The following TMEM63C variants were observed in gnomAD, a reference collection of about 807,000 sequenced individuals.
The protein encoded by TMEM63C is osmosensitive cation channel TMEM63C.
TMEM63C carries 32 observed loss-of-function variants against 99.2 expected under a neutral mutation model. The ratio of observed to expected loss-of-function variants is 0.32; its 90% confidence interval spans 0.24 to 0.43. The LOEUF is 0.43. Among genes scored for constraint, TMEM63C ranks in the 20% least tolerant of loss-of-function variants. The pLI is 1.00. For missense variants in TMEM63C, 826 were observed against 1,053.0 expected (o/e 0.78, Z 2.98); for synonymous variants, 376 against 397.9 (o/e 0.94, Z 0.66).
chr14:77,184,744 GTGGTGTAAATGGAACTC>G (rs1346292331), intron 1 of TMEM63C, among the ~76,000 whole-genome samples: 1 of 152,156 alleles, frequency 6.6e-6, no homozygotes, highest in Admixed American at 6.5e-5. Context: ...ATCAGCATGG[GTGGTGTAAATGGAACTC>G]CACATTCTTG....
At chr14:77,221,975 TC>T (rs1412264271) in intron 5 of TMEM63C, among the ~76,000 whole-genome samples, 3 of 151,312 alleles carry the variant, frequency 2.0e-5, no homozygotes, top group African/African-American at 7.3e-5. Context: ...ACACCGGGAG[TC>T]CCCCCAACCA....
intron 13 of TMEM63C, 50 bp from the exon 14 acceptor site, chr14:77,242,297 A>G: frequency 2.7e-6 from 4 of 1,473,766 alleles, no homozygotes; most frequent in Non-Finnish European, 3.7e-6. Context: ...TCCTAAGCCC[A>G]TCCCCCCACC....
chr14:77,233,905 A>G (rs560130356), intron 8 of TMEM63C, among the ~76,000 whole-genome samples: 1 of 152,286 alleles, frequency 6.6e-6, no homozygotes, highest in East Asian at 1.9e-4. Context: ...TCCCCCTCAG[A>G]GTCCCACAGC....
At chr14:77,198,189 A>T (rs1020209872) in intron 1 of TMEM63C, among the ~76,000 whole-genome samples, 3 of 152,252 alleles carry the variant, frequency 2.0e-5, no homozygotes, top group Non-Finnish European at 2.9e-5. Context: ...GTCCTCATTC[A>T]TCATGGGGCT....
Position 77,192,892 on chromosome 14 carries a change from G to T in TMEM63C, c.-77+10998G>T, listed in dbSNP as rs182547324. Among the ~76,000 whole-genome samples, 633 of 152,152 alleles carry T rather than the reference G, an allele frequency of 4.2e-3. 7 individuals carry two copies. The highest frequency in any genetic ancestry group is 6.5e-3 in the Non-Finnish European group (442 of 67,998). ...ACAACAACAACAGGAGGAAGGAGAA[G>T]AAGAAAAGGAGGAAGAAACCTTTAA... On this transcript the variant is annotated intron_variant, in intron 1 of 23. Coordinates refer to ENST00000298351, the MANE Select transcript of TMEM63C (RefSeq NM_020431.4).
rs1434205104 is a variant in TMEM63C, at chr14:77,246,031, C to T, written c.1535+5C>T. The T allele has an allele frequency of 6.2e-7, 1 of 1,607,548 alleles. No homozygotes were observed. Among genetic ancestry groups the T allele is most frequent in the Non-Finnish European group, 8.5e-7 (1 of 1,174,146 alleles). On this transcript the variant is annotated splice_donor_5th_base_variant and intron_variant, in intron 17 of 23. Coordinates refer to ENST00000298351, the MANE Select transcript of TMEM63C (RefSeq NM_020431.4). ...GCCCTCTATGGGACTGACCAGGTAC[C>T]TCACTTCCAATTATCCCTTCCTTCT... is the stretch of plus-strand genomic sequence containing the variant.
chr14:77,203,470 T>C (rs1888338394), intron 1 of TMEM63C, among the ~76,000 whole-genome samples: 1 of 151,758 alleles, frequency 6.6e-6, no homozygotes, highest in Non-Finnish European at 1.5e-5. Context: ...AGACAAGCAC[T>C]GGCAACAGTT....
intron 1 of TMEM63C, among the ~76,000 whole-genome samples, chr14:77,206,593 G>T (rs1263644979): frequency 6.6e-6 from 1 of 152,104 alleles, no homozygotes; most frequent in African/African-American, 2.4e-5. Flanking sequence ...AGCCTGCACA[G>T]GAACCACTGG....
chr14:77,218,122 G>A (rs910318551), intron 2 of TMEM63C, among the ~76,000 whole-genome samples: 6 of 151,944 alleles, frequency 3.9e-5, no homozygotes, highest in African/African-American at 1.2e-4. Flanking sequence ...ATGCTCGAAA[G>A]GATGGATACC....
At chr14:77,209,515 C>A (rs76495163) in intron 1 of TMEM63C, among the ~76,000 whole-genome samples, 23,820 of 152,094 alleles carry the variant, frequency 0.16, 2,265 homozygotes, top group Middle Eastern at 0.29. Context: ...AAGATATGGT[C>A]CCTACTATCA....
intron 1 of TMEM63C, among the ~76,000 whole-genome samples, chr14:77,211,573 G>A (rs553223414): frequency 1.1e-4 from 16 of 152,344 alleles, no homozygotes; most frequent in African/African-American, 3.1e-4. Flanking sequence ...TCATCTGGAA[G>A]GGGAAGTGGG....
chr14:77,186,820 T>TGTGTCTGTGTGTG (rs4021324), intron 1 of TMEM63C, among the ~76,000 whole-genome samples: 16 of 150,172 alleles, frequency 1.1e-4, no homozygotes, highest in African/African-American at 3.9e-4. Flanking sequence ...TGTGTGTGTG[T>TGTGTCTGTGTGTG]CTGTGTGTGT....
intron 6 of TMEM63C, among the ~76,000 whole-genome samples, chr14:77,230,063 G>A (rs1337844700): frequency 1.1e-4 from 16 of 151,998 alleles, no homozygotes; most frequent in East Asian, 1.9e-4. Context: ...TTAGCTGGGC[G>A]TGGTGGCGCA....
chr14:77,204,736 G>T (rs1412843079), intron 1 of TMEM63C, among the ~76,000 whole-genome samples: 1 of 152,218 alleles, frequency 6.6e-6, no homozygotes, highest in Non-Finnish European at 1.5e-5. Context: ...CAATGTGCTA[G>T]GCACTGCTCT....
At position 77,238,730 on chromosome 14, in the gene TMEM63C, G is replaced by A; in HGVS notation, c.688G>A (p.Asp230Asn). Residue 230 changes from aspartate to asparagine, a missense_variant, in exon 10 of 24, where the codon GAC becomes AAC. Physicochemically the swap from Asp to Asn is conservative, Grantham distance 23. Coordinates refer to ENST00000298351, the MANE Select transcript of TMEM63C (RefSeq NM_020431.4). ...ACTAATGATCACCTATGTGCCCAAG[G>A]ACATTGAAGACCCAGAACTCATCAT... ...RTLMITYVPK[D>N]IEDPELIIKH... The A allele has an allele frequency of 6.2e-7, 1 of 1,613,998 alleles. No homozygotes were observed. Among genetic ancestry groups the A allele is most frequent in the South Asian group, 1.1e-5 (1 of 91,080 alleles).
rs1594865215 is a variant in TMEM63C, at chr14:77,236,765, G to A, written c.651+33G>A. 6 of 1,489,620 alleles carry A rather than the reference G, an allele frequency of 4.0e-6. No individual in the cohort carries two copies. In the East Asian group the frequency reaches 1.4e-4, roughly 34 times the overall value. The allele number at this position is 1,489,620 out of a possible 1,614,324, so 92.3% of individuals were successfully genotyped here. A position where few individuals can be genotyped will look rare whatever the true frequency, so the allele number is the denominator to read the frequency against. ...GCCTACAAAGCTGCTTCCCACTGTG[G>A]GAAGCTGGGGTCCCTCCCCACTGGG... On this transcript the variant is annotated intron_variant, in intron 9 of 23. Transcript: ENST00000298351.
At chr14:77,248,571 G>C (rs940875730) in intron 19 of TMEM63C, 62 bp downstream of exon 19, 11 of 1,547,182 alleles carry the variant, frequency 7.1e-6, no homozygotes, top group Middle Eastern at 1.7e-4. Context: ...GTCAGGGATA[G>C]AGCCTGCTAG....
At chr14:77,244,721 C>T (rs996406336) in intron 16 of TMEM63C, among the ~76,000 whole-genome samples, 1 of 152,240 alleles carries the variant, frequency 6.6e-6, no homozygotes, top group Non-Finnish European at 1.5e-5. Context: ...CCTCCTTGAG[C>T]TTCTCCCTCA....
In TMEM63C at chr14:77,248,525, C is replaced by T; in HGVS notation, c.1764+16C>T. On this transcript the variant is annotated intron_variant, in intron 19 of 23. Transcript: ENST00000298351. ...CATCAGAAAGGTACAGACTGGCTCT[C>T]CGCTGAGCACAGCCCTCAGTTTCCT... The T allele has an allele frequency of 6.4e-7, 1 of 1,570,434 alleles. No homozygotes were observed.
Sources: gnomAD v4.1 joint callset for allele counts (sites outside exome capture counted in the v4.1 genomes callset) on GRCh38, gnomAD v4.1.1 for gene constraint, MANE v1.5 for transcripts, NCBI Gene and HGNC (gene_info 2026-07-23, HGNC 2026-07-21) for gene names.